Variants in PARD3B observed in about 807,000 individuals in gnomAD.
PARD3B encodes partitioning defective 3 homolog B.
Under a neutral mutation model 130.2 loss-of-function variants are expected in PARD3B, and 103 were observed. The ratio of observed to expected loss-of-function variants is 0.79; its 90% CI spans 0.67 to 0.93. PARD3B has a LOEUF of 0.93. Among genes scored for constraint, PARD3B ranks in the 40% least tolerant of loss-of-function variants. The probability of loss-of-function intolerance (pLI) is 0.00; values close to 1 mark genes in which losing one functional copy is unlikely to be tolerated. For missense variants in PARD3B, 1,609 were observed against 1,499.2 expected (o/e 1.07, Z -1.21); for synonymous variants, 583 against 553.2 (o/e 1.05, Z -0.76).
At chr2:204,686,785 C>T (rs1318852128) in intron 2 of PARD3B, among the ~76,000 whole-genome samples, 1 of 152,166 alleles carries the variant, frequency 6.6e-6, no homozygotes, top group South Asian at 2.1e-4. Flanking sequence ...AAATTGAATA[C>T]TCCAAAAAGT....
In PARD3B at chr2:204,887,354, T is replaced by G. The variant is rs763795964; in HGVS notation, c.223-77798T>G. Among the ~76,000 whole-genome samples the G allele has an allele frequency of 6.6e-6, 1 of 152,154 alleles. No homozygotes were observed. Among genetic ancestry groups the G allele is most frequent in the African/African-American group, 2.4e-5 (1 of 41,442 alleles). Reference sequence around the variant, plus strand: ...GCATATATCTTTGTTTAAAAAGCATTAGTGGAATATTACTGAAGCCGAAGC... The same window carrying G: ...GCATATATCTTTGTTTAAAAAGCATGAGTGGAATATTACTGAAGCCGAAGC... On this transcript the variant is annotated intron_variant, in intron 2 of 22. Transcript: ENST00000406610. This position sits in a 1 kb window ranked among gnomAD's most constrained non-coding sequence, Gnocchi z 4.2.
At chr2:205,188,071 G>T (rs951419769) in intron 14 of PARD3B, among the ~76,000 whole-genome samples, 5 of 152,214 alleles carry the variant, frequency 3.3e-5, no homozygotes, top group African/African-American at 1.2e-4. Context: ...AGACAGACAC[G>T]CAGATAATTA....
intron 15 of PARD3B, among the ~76,000 whole-genome samples, chr2:205,216,441 T>G (rs1407851480): frequency 6.6e-6 from 1 of 152,168 alleles, no homozygotes; most frequent in East Asian, 1.9e-4. Context: ...CGTGTATAAT[T>G]TTTACTTTAT....
intron 2 of PARD3B, among the ~76,000 whole-genome samples, chr2:204,747,435 C>T (rs1020117156): frequency 1.3e-5 from 2 of 152,038 alleles, no homozygotes; most frequent in African/African-American, 4.8e-5. Context: ...TAAAAGAGGA[C>T]ACAAACAAAT....
chr2:205,483,660 G>A (rs2049327034), intron 20 of PARD3B, among the ~76,000 whole-genome samples: 1 of 151,994 alleles, frequency 6.6e-6, no homozygotes. Context: ...AAGCATCTTT[G>A]AAGAAGAGGA....
At chr2:205,313,654 G>A (rs370734635) in intron 18 of PARD3B, among the ~76,000 whole-genome samples, 1 of 152,096 alleles carries the variant, frequency 6.6e-6, no homozygotes, top group Non-Finnish European at 1.5e-5. Context: ...CCTAATATGC[G>A]TGCACAGCTC....
intron 15 of PARD3B, among the ~76,000 whole-genome samples, chr2:205,238,886 GTATATATA>G (rs372313084): frequency 0.014 from 1,273 of 92,012 alleles, 20 homozygotes; most frequent in Middle Eastern, 0.025. Flanking sequence ...ATGTATGTGT[GTATATATA>G]TATATATATA....
intron 4 of PARD3B, among the ~76,000 whole-genome samples, chr2:205,064,490 A>C (rs1470734362): frequency 6.6e-6 from 1 of 152,184 alleles, no homozygotes; most frequent in African/African-American, 2.4e-5. Context: ...TGATTGGCCC[A>C]GAATGGCCAC....
At chr2:204,757,087 A>G (rs1215430717) in intron 2 of PARD3B, among the ~76,000 whole-genome samples, 1 of 152,174 alleles carries the variant, frequency 6.6e-6, no homozygotes, top group Non-Finnish European at 1.5e-5. Context: ...TGCAAAGGAC[A>G]TCATCTCATT....
chr2:204,805,944 A>G (rs2042751394), intron 2 of PARD3B, among the ~76,000 whole-genome samples: 1 of 152,068 alleles, frequency 6.6e-6, no homozygotes, highest in South Asian at 2.1e-4. Context: ...TGGCAGACCC[A>G]CAGCTACTAT....
Position 204,655,756 on chromosome 2 carries a change from A to G in PARD3B, c.121-30425A>G, listed in dbSNP as rs566747545. ...AGGAGGTCAGCATATATATCTGAAT[A>G]ACAACCACAAACCCAGTAGCTTAAG... On this transcript the variant is annotated intron_variant, in intron 1 of 22. Coordinates refer to ENST00000406610, the MANE Select transcript of PARD3B (RefSeq NM_001302769.2). Among the ~76,000 whole-genome samples, 143 of 152,194 alleles carry G rather than the reference A, an allele frequency of 9.4e-4. No individual in the cohort carries two copies. In the Middle Eastern group the frequency reaches 0.014, roughly 15 times the overall value.
In PARD3B at chr2:205,329,131, G is replaced by A. The variant is rs148517052; in HGVS notation, c.2630+27430G>A. Reference sequence around the variant, plus strand: ...TTGAGCACCAAGTATGCACAGGCACGGGGTACAGTGATGAATGAGATGCAC... The same window carrying A: ...TTGAGCACCAAGTATGCACAGGCACAGGGTACAGTGATGAATGAGATGCAC... On this transcript the variant is annotated intron_variant, in intron 18 of 22. Coordinates refer to ENST00000406610, the MANE Select transcript of PARD3B (RefSeq NM_001302769.2). Among the ~76,000 whole-genome samples, 434 of 152,180 alleles carry A rather than the reference G, an allele frequency of 2.9e-3. 4 individuals carry two copies. The highest frequency in any genetic ancestry group is 7.5e-3 in the Admixed American group (114 of 15,280).
intron 18 of PARD3B, among the ~76,000 whole-genome samples, chr2:205,380,681 A>ATAT (rs1254874108): frequency 2.5e-4 from 25 of 98,138 alleles, no homozygotes; most frequent in African/African-American, 4.3e-4. Flanking sequence ...TATAAAGAAT[A>ATAT]AACATATATA....
In PARD3B at chr2:205,617,864, T is replaced by A. The variant is rs1349850264; in HGVS notation, c.*2051T>A. On this transcript the variant is annotated 3_prime_UTR_variant, in exon 23 of 23. Coordinates refer to ENST00000406610, the MANE Select transcript of PARD3B (RefSeq NM_001302769.2). ...AAAAACCAGCAGCTCTTCACTATGTTCCATATTTTAACCAAACTACTGTAG... is the reference window on the plus strand; with the variant it reads ...AAAAACCAGCAGCTCTTCACTATGTACCATATTTTAACCAAACTACTGTAG... The A allele has an allele frequency of 1.3e-5, 2 of 152,232 alleles. No homozygotes were observed. The highest frequency in any genetic ancestry group is 4.8e-5 in the African/African-American group (2 of 41,458). 9.4% of individuals were successfully genotyped at this position (152,232 alleles called of 1,614,324 possible).
intron 2 of PARD3B, among the ~76,000 whole-genome samples, chr2:204,885,738 G>A (rs1232881355): frequency 1.3e-5 from 2 of 152,078 alleles, no homozygotes; most frequent in African/African-American, 4.8e-5. Context: ...AATGTGTTTA[G>A]GTATCTAGTT....
intron 2 of PARD3B, among the ~76,000 whole-genome samples, chr2:204,753,250 G>T (rs536958108): frequency 6.6e-6 from 1 of 151,974 alleles, no homozygotes; most frequent in Non-Finnish European, 1.5e-5. Flanking sequence ...TCATGTTTTT[G>T]TTGCTTAAGA....
Position 205,082,585 on chromosome 2 carries a change from C to T in PARD3B, c.505-21841C>T, listed in dbSNP as rs141612609. On this transcript the variant is annotated intron_variant, in intron 4 of 22. Transcript: ENST00000406610. The stretch of plus-strand genomic sequence containing the variant: ...CTACTGTAATTTATGTCTTCTCTCT[C>T]ATTCTGCCTAGGTGTTTGTTAATTT... Among the ~76,000 whole-genome samples, 1,241 of 152,160 alleles carry T rather than the reference C, an allele frequency of 8.2e-3. 9 individuals carry two copies. The highest frequency in any genetic ancestry group is 0.027 in the African/African-American group (1,140 of 41,516).
chr2:204,935,104 C>CT (rs1265825774), intron 2 of PARD3B, among the ~76,000 whole-genome samples: 1 of 148,944 alleles, frequency 6.7e-6, no homozygotes, highest in Non-Finnish European at 1.5e-5. Flanking sequence ...GACTTTTTTA[C>CT]TTTTTGTCCA....
chr2:205,239,070 T>C (rs2039235591), intron 15 of PARD3B, among the ~76,000 whole-genome samples: 2 of 151,542 alleles, frequency 1.3e-5, no homozygotes, highest in South Asian at 4.2e-4. Context: ...TTACATCAAG[T>C]TGTCTCATCC....
Sources: gnomAD v4.1 joint callset for allele counts (sites outside exome capture counted in the v4.1 genomes callset) on GRCh38, gnomAD v4.1.1 for gene constraint, Gnocchi (gnomAD v3.1) non-coding constraint, MANE v1.5 for transcripts, NCBI Gene and HGNC (gene_info 2026-07-23, HGNC 2026-07-21) for gene names.